Variants in ST6GALNAC3 observed in about 807,000 individuals in gnomAD.
The protein encoded by ST6GALNAC3 is ST6 N-acetylgalactosaminide alpha-2,6-sialyltransferase 3, also known as alpha-N-acetylgalactosaminide alpha-2,6-sialyltransferase 3.
ST6GALNAC3 carries 25 observed loss-of-function variants against 32.7 expected under a neutral mutation model. The ratio of observed to expected loss-of-function variants is 0.76; its 90% confidence interval spans 0.56 to 1.07. ST6GALNAC3 has a LOEUF of 1.07. Ranked by LOEUF, ST6GALNAC3 falls within the 50% of genes least tolerant of loss-of-function variation. The probability of loss-of-function intolerance (pLI) is 0.00; values close to 1 mark genes in which losing one functional copy is unlikely to be tolerated. For synonymous variants in ST6GALNAC3, 129 were observed against 133.1 expected (o/e 0.97, Z 0.21); for missense variants, 355 against 382.4 (o/e 0.93, Z 0.60).
intron 1 of ST6GALNAC3, among the ~76,000 whole-genome samples, chr1:76,283,173 T>G (rs1659594050): frequency 6.6e-6 from 1 of 152,164 alleles, no homozygotes; most frequent in African/African-American, 2.4e-5. Flanking sequence ...ACCACTGAGC[T>G]AGGAACTAGC....
intron 1 of ST6GALNAC3, among the ~76,000 whole-genome samples, chr1:76,235,034 G>A (rs1394101411): frequency 1.3e-5 from 2 of 152,144 alleles, no homozygotes; most frequent in Non-Finnish European, 2.9e-5. Context: ...ACTCAAAGTA[G>A]CAGGGCCTCA....
At chr1:76,438,345 G>A (rs1232284779) in intron 3 of ST6GALNAC3, among the ~76,000 whole-genome samples, 1 of 151,686 alleles carries the variant, frequency 6.6e-6, no homozygotes, top group African/African-American at 2.4e-5. Context: ...TAGAGACGGG[G>A]TTTCACCGTG....
chr1:76,186,416 A>G (rs1173282645), intron 1 of ST6GALNAC3, among the ~76,000 whole-genome samples: 1 of 152,196 alleles, frequency 6.6e-6, no homozygotes, highest in African/African-American at 2.4e-5. Flanking sequence ...GTCTCAGGCA[A>G]TATTCTAGGG....
chr1:76,591,479 C>G (rs965558946), intron 3 of ST6GALNAC3, among the ~76,000 whole-genome samples: 1 of 152,010 alleles, frequency 6.6e-6, no homozygotes, highest in Non-Finnish European at 1.5e-5. Context: ...GTGTATGATG[C>G]AGATTTATCC....
rs180748705 is a variant in ST6GALNAC3 at position 76,529,526 on chromosome 1, A to G, written c.624-97926A>G. Among the ~76,000 whole-genome samples, 545 of 152,300 alleles carry G rather than the reference A, an allele frequency of 3.6e-3. 4 individuals carry two copies. Among genetic ancestry groups the G allele is most frequent in the Non-Finnish European group, 5.7e-3 (388 of 68,018 alleles). ...GATGTACATATTAATTTTCAACAGC[A>G]CTGTTATTTGAATGATATTCATACA... On this transcript the variant is annotated intron_variant, in intron 3 of 4. Transcript: ENST00000328299.
chr1:76,489,880 G>A (rs1474381904), intron 3 of ST6GALNAC3, among the ~76,000 whole-genome samples: 4 of 152,108 alleles, frequency 2.6e-5, no homozygotes, highest in African/African-American at 2.4e-5. Context: ...GGTTGAAGAA[G>A]CTTTTATGTC....
intron 2 of ST6GALNAC3, among the ~76,000 whole-genome samples, chr1:76,337,130 C>G (rs913103614): frequency 6.6e-6 from 1 of 151,210 alleles, no homozygotes; most frequent in African/African-American, 2.5e-5. Context: ...GATCTCCAGA[C>G]TCTCTCATTT....
At chr1:76,089,983 G>A (rs1647022286) in intron 1 of ST6GALNAC3, among the ~76,000 whole-genome samples, 1 of 152,178 alleles carries the variant, frequency 6.6e-6, no homozygotes, top group African/African-American at 2.4e-5. Context: ...GTAAGTTAGA[G>A]TGCACTTACA....
intron 3 of ST6GALNAC3, among the ~76,000 whole-genome samples, chr1:76,553,691 T>G (rs1664762976): frequency 6.6e-6 from 1 of 152,196 alleles, no homozygotes; most frequent in Admixed American, 6.5e-5. Flanking sequence ...TACTCGTCTT[T>G]AGTAATTACA....
intron 1 of ST6GALNAC3, among the ~76,000 whole-genome samples, chr1:76,188,328 C>G (rs1455594746): frequency 6.6e-6 from 1 of 152,118 alleles, no homozygotes; most frequent in Non-Finnish European, 1.5e-5. Flanking sequence ...CACCACTGCA[C>G]TCCAGCCTGG....
At chr1:76,457,385 C>T (rs1354545944) in intron 3 of ST6GALNAC3, among the ~76,000 whole-genome samples, 7 of 151,936 alleles carry the variant, frequency 4.6e-5, no homozygotes, top group East Asian at 1.9e-4. Flanking sequence ...AAAAGGAGCC[C>T]GCATCGCCAA....
intron 2 of ST6GALNAC3, among the ~76,000 whole-genome samples, chr1:76,360,979 G>A (rs996497132): frequency 6.6e-6 from 1 of 152,042 alleles, no homozygotes; most frequent in East Asian, 1.9e-4. Flanking sequence ...GAAGGCCAGG[G>A]TTTCATGGAC....
chr1:76,547,113 A>G (rs895235143), intron 3 of ST6GALNAC3, among the ~76,000 whole-genome samples: 1 of 152,226 alleles, frequency 6.6e-6, no homozygotes, highest in Non-Finnish European at 1.5e-5. Context: ...TCAATTGAAA[A>G]TGGACATTTT....
At chr1:76,185,557 A>C (rs1314399655) in intron 1 of ST6GALNAC3, among the ~76,000 whole-genome samples, 1 of 152,072 alleles carries the variant, frequency 6.6e-6, no homozygotes, top group African/African-American at 2.4e-5. Flanking sequence ...CTCACTCTGA[A>C]TTTTACTCTG....
At chr1:76,268,972 A>C (rs1658689721) in intron 1 of ST6GALNAC3, among the ~76,000 whole-genome samples, 1 of 151,932 alleles carries the variant, frequency 6.6e-6, no homozygotes, top group African/African-American at 2.4e-5. Context: ...GCCTTGTCTT[A>C]CCCTTTTTTT....
intron 3 of ST6GALNAC3, among the ~76,000 whole-genome samples, chr1:76,435,084 C>A (rs924862219): frequency 1.6e-4 from 24 of 152,016 alleles, no homozygotes; most frequent in African/African-American, 5.6e-4. Flanking sequence ...AGCCACCGTG[C>A]CTGGCCACCA....
At chr1:76,094,726 G>A (rs148781503) in intron 1 of ST6GALNAC3, among the ~76,000 whole-genome samples, 37 of 152,262 alleles carry the variant, frequency 2.4e-4, no homozygotes, top group African/African-American at 8.7e-4. Flanking sequence ...AAGGAGATGA[G>A]CATCTCTGGT....
chr1:76,223,262 C>G (rs529798192), intron 1 of ST6GALNAC3, among the ~76,000 whole-genome samples: 1 of 152,016 alleles, frequency 6.6e-6, no homozygotes, highest in Admixed American at 6.6e-5. Context: ...GATCTGTAAG[C>G]CATTATCCTA....
At chr1:76,406,016 C>T (rs1263747767) in intron 2 of ST6GALNAC3, among the ~76,000 whole-genome samples, 1 of 151,980 alleles carries the variant, frequency 6.6e-6, no homozygotes, top group Non-Finnish European at 1.5e-5. Flanking sequence ...TACTTACATT[C>T]TTCAGTATTT....
Sources: allele counts gnomAD v4.1 joint callset (sites outside exome capture counted in the v4.1 genomes callset), GRCh38; gene constraint gnomAD v4.1.1; transcripts MANE v1.5; gene names NCBI Gene and HGNC (gene_info 2026-07-23, HGNC 2026-07-21).